Variants in RAB38 observed in about 807,000 individuals in gnomAD.
The protein encoded by RAB38 is RAB38, member RAS oncogene family, also known as ras-related protein Rab-38.
Under a neutral mutation model 18.4 loss-of-function variants are expected in RAB38, and 15 were observed. The ratio of observed to expected loss-of-function variants is 0.82; its 90% CI spans 0.55 to 1.26. The LOEUF (loss-of-function observed/expected upper bound fraction) is 1.26. RAB38 is among the 50% of genes most tolerant of loss of function. The pLI is 0.00. For synonymous variants in RAB38, 101 were observed against 104.4 expected, an observed-to-expected ratio of 0.97 and a Z score of 0.20; for missense variants, 294 against 267.4, an observed-to-expected ratio of 1.10 and a Z score of -0.69.
the RAB38 span, among the ~76,000 whole-genome samples, chr11:87,957,618 T>G: frequency 6.7e-4 from 102 of 152,258 alleles, no homozygotes; most frequent in African/African-American, 2.2e-3. Flanking sequence ...CATTCCTCTC[T>G]CAGCATATGG....
chr11:88,174,180 A>G, intron 1 of RAB38: 3 of 792,496 alleles, frequency 3.8e-6, no homozygotes, highest in Non-Finnish European at 3.1e-6. Context: ...AACTGAGCTG[A>G]AGAGACTTGT....
At chr11:87,902,413 T>A in the RAB38 span, among the ~76,000 whole-genome samples, 1 of 151,600 alleles carries the variant, frequency 6.6e-6, no homozygotes, top group Non-Finnish European at 1.5e-5. Context: ...ATCAACTGTA[T>A]GTGGGGGGTC....
chr11:88,009,742 T>C, the RAB38 span, among the ~76,000 whole-genome samples: 2 of 152,236 alleles, frequency 1.3e-5, no homozygotes, highest in Non-Finnish European at 2.9e-5. Flanking sequence ...GGTGCCACAG[T>C]GCCAGTGAGA....
the RAB38 span, among the ~76,000 whole-genome samples, chr11:87,811,033 A>G: frequency 6.6e-6 from 1 of 152,092 alleles, no homozygotes; most frequent in Non-Finnish European, 1.5e-5. Flanking sequence ...TGAATGTCAA[A>G]AAGAGGGCGT....
the RAB38 span, among the ~76,000 whole-genome samples, chr11:87,946,518 C>A: frequency 6.6e-6 from 1 of 152,200 alleles, no homozygotes; most frequent in East Asian, 1.9e-4. Flanking sequence ...TTAGGCGTAT[C>A]TCCTAATGCT....
At chr11:88,128,253 C>A (rs1302611977) in intron 2 of RAB38, among the ~76,000 whole-genome samples, 1 of 152,152 alleles carries the variant, frequency 6.6e-6, no homozygotes, top group Admixed American at 6.5e-5. Flanking sequence ...TTTATACTCT[C>A]CCTTTTTTCC....
At chr11:88,053,340 G>A in the RAB38 span, among the ~76,000 whole-genome samples, 32 of 40,998 alleles carry the variant, frequency 7.8e-4, no homozygotes, top group Admixed American at 1.5e-3. Context: ...ACATATATAT[G>A]GAATATATAT....
At chr11:88,044,288 C>T in the RAB38 span, among the ~76,000 whole-genome samples, 2 of 152,048 alleles carry the variant, frequency 1.3e-5, no homozygotes, top group African/African-American at 4.8e-5. Flanking sequence ...GGGGAGGAAC[C>T]CCCGACCCCT....
At position 88,152,304 on chromosome 11, in the gene RAB38, C is replaced by T. The variant is rs138306865; in HGVS notation, c.203-2349G>A. Among the ~76,000 whole-genome samples, 424 of 152,222 alleles carry T rather than the reference C, an allele frequency of 2.8e-3. 2 individuals carry two copies. The highest frequency in any genetic ancestry group is 9.3e-3 in the African/African-American group (385 of 41,522). On this transcript the variant is annotated intron_variant, in intron 1 of 2. Transcript: ENST00000243662. ...CAGAGGTTTTCATAGTAGAACAAGGCAGTCCTCAAGAATAAAGATTTTGCA... is the reference window on the plus strand; with the variant it reads ...CAGAGGTTTTCATAGTAGAACAAGGTAGTCCTCAAGAATAAAGATTTTGCA...
chr11:88,020,812 A>C, the RAB38 span, among the ~76,000 whole-genome samples: 1 of 152,200 alleles, frequency 6.6e-6, no homozygotes, highest in South Asian at 2.1e-4. Flanking sequence ...AATGATAAAA[A>C]CATAAGGAAA....
the RAB38 span, among the ~76,000 whole-genome samples, chr11:87,964,692 G>A: frequency 6.6e-6 from 1 of 151,848 alleles, no homozygotes; most frequent in Non-Finnish European, 1.5e-5. Flanking sequence ...CCACTTGGTG[G>A]TATAAAACAC....
chr11:87,854,476 A>G, the RAB38 span, among the ~76,000 whole-genome samples: 1 of 151,962 alleles, frequency 6.6e-6, no homozygotes, highest in African/African-American at 2.4e-5. Flanking sequence ...AAAATGATCC[A>G]CTCTTAACAC....
At chr11:88,092,326 C>CAG in the RAB38 span, among the ~76,000 whole-genome samples, 5 of 8,142 alleles carry the variant, frequency 6.1e-4, no homozygotes, top group East Asian at 0.013. Flanking sequence ...AAGAGGGAGG[C>CAG]AGAGAGAGAG....
chr11:88,027,161 GT>G, the RAB38 span, among the ~76,000 whole-genome samples: 5 of 151,756 alleles, frequency 3.3e-5, no homozygotes, highest in East Asian at 1.9e-4. Flanking sequence ...AGTTTTCTGA[GT>G]TTTTTTTAAA....
the RAB38 span, among the ~76,000 whole-genome samples, chr11:87,859,796 A>G: frequency 3.9e-5 from 6 of 152,038 alleles, no homozygotes; most frequent in African/African-American, 1.2e-4. Flanking sequence ...TGCTTCCACT[A>G]TTTTGGCTCC....
At chr11:88,089,606 G>GT in the RAB38 span, among the ~76,000 whole-genome samples, 8 of 151,732 alleles carry the variant, frequency 5.3e-5, no homozygotes, top group East Asian at 1.9e-4. Flanking sequence ...ACTTTTTCCT[G>GT]TTTTTTTATG....
chr11:87,822,774 A>G, the RAB38 span, among the ~76,000 whole-genome samples: 2 of 152,230 alleles, frequency 1.3e-5, no homozygotes, highest in Non-Finnish European at 2.9e-5. Flanking sequence ...ACATAAGAGA[A>G]GTAAATCAGG....
chr11:87,925,546 A>G, the RAB38 span, among the ~76,000 whole-genome samples: 4 of 152,056 alleles, frequency 2.6e-5, no homozygotes, highest in Admixed American at 2.0e-4. Flanking sequence ...GAGTAAGTAT[A>G]TAATAAAGGT....
chr11:87,911,134 TTA>T, the RAB38 span, among the ~76,000 whole-genome samples: 114 of 152,182 alleles, frequency 7.5e-4, no homozygotes, highest in Non-Finnish European at 1.2e-3. Context: ...TGAAGGTTGT[TTA>T]TCTTGATGAC....
Sources: gnomAD v4.1 joint callset for allele counts (sites outside exome capture counted in the v4.1 genomes callset) on GRCh38, gnomAD v4.1.1 for gene constraint, MANE v1.5 for transcripts, NCBI Gene and HGNC (gene_info 2026-07-23, HGNC 2026-07-21) for gene names.